FBXL17: variants seen among roughly 807,000 people sequenced by gnomAD.
FBXL17 encodes F-box/LRR-repeat protein 17.
A neutral mutation model predicts 66.2 loss-of-function variants in FBXL17; 22 were observed. The observed-to-expected ratio is 0.33, with a 90% CI of 0.24 to 0.47. The LOEUF (loss-of-function observed/expected upper bound fraction) is 0.47, where lower values mean the gene tolerates loss of function less well. FBXL17 is among the 20% of genes least tolerant of loss of function. FBXL17 has a pLI of 1.00. For synonymous variants in FBXL17, 474 were observed against 400.5 expected (o/e 1.18, Z -2.19); for missense variants, 878 against 948.2 (o/e 0.93, Z 0.97).
At chr5:108,088,700 C>CAAAAAAAAAAAAA (rs57707936) in intron 6 of FBXL17, among the ~76,000 whole-genome samples, 13 of 49,346 alleles carry the variant, frequency 2.6e-4, no homozygotes, top group African/African-American at 1.0e-3. Context: ...GACTCTATCT[C>CAAAAAAAAAAAAA]AAAAAAAAAA....
At chr5:108,051,714 T>A (rs1231309500) in intron 6 of FBXL17, among the ~76,000 whole-genome samples, 1 of 152,120 alleles carries the variant, frequency 6.6e-6, no homozygotes, top group Non-Finnish European at 1.5e-5. Context: ...CAGTGGCTCA[T>A]GCCTGTAATC....
intron 4 of FBXL17, among the ~76,000 whole-genome samples, chr5:108,328,588 C>A (rs531086155): frequency 6.6e-6 from 1 of 151,968 alleles, no homozygotes; most frequent in Non-Finnish European, 1.5e-5. Flanking sequence ...GACAGATACA[C>A]GCATGTTGGT....
intron 4 of FBXL17, among the ~76,000 whole-genome samples, chr5:108,292,670 T>C (rs986714875): frequency 1.3e-5 from 2 of 152,246 alleles, no homozygotes. Flanking sequence ...AAGTGTCTTT[T>C]CAATCATGCC....
intron 4 of FBXL17, among the ~76,000 whole-genome samples, chr5:108,267,744 C>A (rs954117220): frequency 6.6e-6 from 1 of 151,842 alleles, no homozygotes; most frequent in Admixed American, 6.6e-5. Context: ...AAAATAAGTG[C>A]TATGAAGTCA....
At chr5:108,142,084 T>A (rs1364607959) in intron 6 of FBXL17, among the ~76,000 whole-genome samples, 1 of 152,252 alleles carries the variant, frequency 6.6e-6, no homozygotes, top group East Asian at 1.9e-4. Flanking sequence ...CTTAAAAGCA[T>A]ATGTTTTCAC....
intron 2 of FBXL17, among the ~76,000 whole-genome samples, chr5:108,365,347 G>A (rs1243222816): frequency 6.6e-6 from 1 of 151,978 alleles, no homozygotes; most frequent in African/African-American, 2.4e-5. Flanking sequence ...AATGGGGGCT[G>A]GTTACCAGAA....
At chr5:108,035,864 G>C (rs1273272222) in intron 6 of FBXL17, among the ~76,000 whole-genome samples, 2 of 152,178 alleles carry the variant, frequency 1.3e-5, no homozygotes, top group African/African-American at 4.8e-5. Context: ...AAGGTGTGGA[G>C]AGGCCATGAA....
intron 4 of FBXL17, among the ~76,000 whole-genome samples, chr5:108,284,616 G>T (rs1757827916): frequency 6.6e-6 from 1 of 151,784 alleles, no homozygotes; most frequent in Non-Finnish European, 1.5e-5. Flanking sequence ...GGTTATTAGG[G>T]TGATGGATAC....
intron 4 of FBXL17, among the ~76,000 whole-genome samples, chr5:108,269,247 A>G (rs180847522): frequency 1.3e-5 from 2 of 152,146 alleles, no homozygotes; most frequent in African/African-American, 2.4e-5. Context: ...TTTTCAAGTG[A>G]CTTCACCTCA....
chr5:108,147,625 A>C (rs1272376773), intron 6 of FBXL17, among the ~76,000 whole-genome samples: 2 of 152,254 alleles, frequency 1.3e-5, no homozygotes, highest in Admixed American at 1.3e-4. Flanking sequence ...ACATCAGCAT[A>C]TGAGAAAGTA....
intron 8 of FBXL17, among the ~76,000 whole-genome samples, chr5:107,870,569 C>T (rs1166129266): frequency 2.6e-5 from 4 of 151,846 alleles, no homozygotes; most frequent in Non-Finnish European, 5.9e-5. Context: ...GGAGAGGGTA[C>T]TCACGATTAG....
chr5:108,367,727 T>A, intron 2 of FBXL17, 104 bp downstream of exon 2: 3 of 1,013,796 alleles, frequency 3.0e-6, no homozygotes, highest in Non-Finnish European at 4.1e-6. Flanking sequence ...TTACAGTGAT[T>A]TGAACTATCT....
At chr5:108,349,188 C>T (rs373110164) in intron 3 of FBXL17, among the ~76,000 whole-genome samples, 11 of 152,206 alleles carry the variant, frequency 7.2e-5, no homozygotes, top group South Asian at 4.1e-4. Flanking sequence ...GAATATTATA[C>T]AACCACTACA....
At chr5:108,319,573 A>T (rs1759524636) in intron 4 of FBXL17, among the ~76,000 whole-genome samples, 1 of 151,848 alleles carries the variant, frequency 6.6e-6, no homozygotes. Flanking sequence ...ATAATTTAAA[A>T]ATTTTATTTT....
chr5:107,907,556 G>A (rs181206097), intron 7 of FBXL17, among the ~76,000 whole-genome samples: 4 of 151,984 alleles, frequency 2.6e-5, no homozygotes, highest in African/African-American at 9.7e-5. Flanking sequence ...CTGACAAAGG[G>A]CTAATATCCA....
At chr5:107,873,543 T>C (rs1440516814) in intron 8 of FBXL17, among the ~76,000 whole-genome samples, 1 of 152,210 alleles carries the variant, frequency 6.6e-6, no homozygotes, top group African/African-American at 2.4e-5. Flanking sequence ...GACCTGCTGC[T>C]GCTGGATGGC....
At position 108,381,301 on chromosome 5, in the gene FBXL17, C is replaced by A; in HGVS notation, c.391G>T (p.Ala131Ser). 1.4e-6 allele frequency: 2 copies of A among 1,403,580 alleles called. No individual in the cohort carries two copies. Among genetic ancestry groups the A allele is most frequent in the Non-Finnish European group, 9.2e-7 (1 of 1,083,520 alleles). The allele number at this position is 1,403,580 out of a possible 1,614,324, so 86.9% of individuals were successfully genotyped here. A position where few individuals can be genotyped will look rare whatever the true frequency, so the allele number is the denominator to read the frequency against. Residue 131 changes from alanine to serine, a missense_variant, in exon 1 of 9, where the codon GCC becomes TCC. Transcript: ENST00000542267. Reference protein sequence around the residue: ...LSSAAAAAAAAASASSPASCC... With the variant: ...LSSAAAAAAASASASSPASCC... ...GAGGCGGGCGACGAAGCCGAGGCGG[C>A]AGCGGCGGCGGCGGCGGCGGCCGAG...
At chr5:107,875,339 A>C (rs1034602783) in intron 8 of FBXL17, among the ~76,000 whole-genome samples, 1 of 152,200 alleles carries the variant, frequency 6.6e-6, no homozygotes, top group African/African-American at 2.4e-5. Context: ...CATTAGTTAC[A>C]GAGTCCTATA....
At chr5:108,009,952 T>A (rs1057244563) in intron 7 of FBXL17, among the ~76,000 whole-genome samples, 1 of 152,120 alleles carries the variant, frequency 6.6e-6, no homozygotes, top group African/African-American at 2.4e-5. Flanking sequence ...TAGTGTCCAT[T>A]TTGTACCGAG....
Sources: allele counts gnomAD v4.1 joint callset (sites outside exome capture counted in the v4.1 genomes callset), GRCh38; gene constraint gnomAD v4.1.1; transcripts MANE v1.5; gene names NCBI Gene and HGNC (gene_info 2026-07-23, HGNC 2026-07-21).